The following VAPB variants were observed in gnomAD, a reference collection of about 807,000 sequenced individuals.
VAPB encodes the protein vesicle-associated membrane protein-associated protein B/C.
A neutral mutation model predicts 25.6 loss-of-function variants in VAPB; 7 were observed. That is an observed-to-expected ratio of 0.27 (90% CI 0.16 to 0.51). VAPB has a LOEUF of 0.51. Ranked by LOEUF, VAPB falls within the 20% of genes least tolerant of loss-of-function variation. The pLI is 0.97. For synonymous variants in VAPB, 112 were observed against 109.2 expected (o/e 1.03, Z -0.16); for missense variants, 266 against 301.3 (o/e 0.88, Z 0.87).
chr20:58,413,352 T>TAAC (rs1988427834), intron 1 of VAPB, among the ~76,000 whole-genome samples: 1 of 151,760 alleles, frequency 6.6e-6, no homozygotes, highest in Non-Finnish European at 1.5e-5. Flanking sequence ...TGATGACTCT[T>TAAC]AACGAGCATG....
chr20:58,409,235 G>T (rs1474008821), intron 1 of VAPB, among the ~76,000 whole-genome samples: 1 of 152,196 alleles, frequency 6.6e-6, no homozygotes, highest in Admixed American at 6.5e-5. Context: ...AGAAGGGGAA[G>T]ATTTACATAA....
rs1989261047 is a variant in VAPB, at chr20:58,445,424, C to T, written c.*1189C>T. 1 of 454,348 alleles carries T rather than the reference C, an allele frequency of 2.2e-6. No homozygotes were observed. Among genetic ancestry groups the T allele is most frequent in the Non-Finnish European group, 4.4e-6 (1 of 226,754 alleles). 28.1% of individuals were successfully genotyped at this position (454,348 alleles called of 1,614,324 possible). On this transcript the variant is annotated 3_prime_UTR_variant, in exon 6 of 6. Transcript: ENST00000475243. ...GCAAGGGAAGAGAGAAACTCTTCAG[C>T]GAATCCTTCTAGTACTAGTTGAGAG...
chr20:58,433,364 G>A (rs547176161), intron 2 of VAPB, among the ~76,000 whole-genome samples: 140 of 152,314 alleles, frequency 9.2e-4, no homozygotes, highest in Middle Eastern at 3.4e-3. Context: ...TCTATCTGCT[G>A]CTGGCTGTGG....
chr20:58,407,022 AT>A (rs982625473), intron 1 of VAPB, among the ~76,000 whole-genome samples: 4 of 152,336 alleles, frequency 2.6e-5, no homozygotes, highest in African/African-American at 9.6e-5. Context: ...AATTCAGTTT[AT>A]TAAATCGTCT....
Position 58,408,427 on chromosome 20 carries a change from A to T in VAPB, c.59-9784A>T, listed in dbSNP as rs548730272. ...AATATAATGTCTGCCATTTAAACAC[A>T]TTGGTTGCAAAGCTTTAAAGCTTTA... On this transcript the variant is annotated intron_variant, in intron 1 of 5. Coordinates refer to ENST00000475243, the MANE Select transcript of VAPB (RefSeq NM_004738.5). 2.0e-5 allele frequency among the ~76,000 whole-genome samples: 3 copies of T among 152,280 alleles called. No individual in the cohort carries two copies. The South Asian group carries it at 6.2e-4, about 32-fold the overall frequency.
rs373381411 is a variant in VAPB, at chr20:58,427,075, C to T, written c.212-7527C>T. 1.3e-4 allele frequency among the ~76,000 whole-genome samples: 18 copies of T among 135,446 alleles called. No homozygotes were observed. The South Asian group carries it at 2.0e-3, about 15-fold the overall frequency. 88.9% of individuals were successfully genotyped at this position (135,446 alleles called of 152,430 possible). On this transcript the variant is annotated intron_variant, in intron 2 of 5. Transcript: ENST00000475243. The stretch of plus-strand genomic sequence containing the variant: ...CATTATGATGCAGACGAAAGTGATC[C>T]GTGATCTGTTACCGTTATGATGCAG...
Position 58,447,353 on chromosome 20 carries a change from C to A in VAPB, c.*3118C>A, listed in dbSNP as rs56310716. On this transcript the variant is annotated 3_prime_UTR_variant, in exon 6 of 6. Transcript: ENST00000475243. Reference sequence around the variant, plus strand: ...CCTAGTTTGCATGTTTTCCTTCTCTCGTCTTCTGAACTGCTGGCACCAGCA... The same window carrying A: ...CCTAGTTTGCATGTTTTCCTTCTCTAGTCTTCTGAACTGCTGGCACCAGCA... 1.3e-5 allele frequency: 6 copies of A among 453,946 alleles called. No individual in the cohort carries two copies. Among genetic ancestry groups the A allele is most frequent in the Non-Finnish European group, 2.2e-5 (5 of 226,794 alleles). The allele number at this position is 453,946 out of a possible 1,614,324, so 28.1% of individuals were successfully genotyped here.
chr20:58,400,982 A>G (rs972164675), intron 1 of VAPB, among the ~76,000 whole-genome samples: 1 of 152,240 alleles, frequency 6.6e-6, no homozygotes, highest in Admixed American at 6.5e-5. Context: ...GAATGTGCAG[A>G]TGCACACAAT....
At chr20:58,404,555 A>T (rs1988180888) in intron 1 of VAPB, among the ~76,000 whole-genome samples, 1 of 152,170 alleles carries the variant, frequency 6.6e-6, no homozygotes, top group African/African-American at 2.4e-5. Flanking sequence ...CCCAGGAGTT[A>T]AGAGTGTGAA....
chr20:58,393,107 C>G (rs993516318), intron 1 of VAPB, among the ~76,000 whole-genome samples: 5 of 152,172 alleles, frequency 3.3e-5, no homozygotes, highest in African/African-American at 9.7e-5. Context: ...CATCATAGCT[C>G]ACTGTAGCCT....
chr20:58,430,565 ATTTCATT>A, intron 2 of VAPB, among the ~76,000 whole-genome samples: 1 of 147,188 alleles, frequency 6.8e-6, no homozygotes, highest in Non-Finnish European at 1.5e-5. Context: ...TGGCCTGCAA[ATTTCATT>A]TTTCTTTTTT....
In VAPB at chr20:58,450,936, G is replaced by A. The variant is rs1989433005; in HGVS notation, c.*6701G>A. 2.2e-6 allele frequency: 1 copy of A among 454,074 alleles called. No homozygotes were observed. Among genetic ancestry groups the A allele is most frequent in the Non-Finnish European group, 4.4e-6 (1 of 226,790 alleles). 28.1% of individuals were successfully genotyped at this position (454,074 alleles called of 1,614,324 possible). The stretch of plus-strand genomic sequence containing the variant: ...CAGCTGACATGATGTTTCCCAGAGA[G>A]AAGGAGATGTATTTCTGCAGGGTCC... On this transcript the variant is annotated 3_prime_UTR_variant, in exon 6 of 6. Transcript: ENST00000475243.
chr20:58,439,354 A>T (rs568124358), intron 4 of VAPB: 77 of 307,580 alleles, frequency 2.5e-4, no homozygotes, highest in African/African-American at 1.6e-3. Flanking sequence ...AGAGGGAACA[A>T]TTTGCCCTTT....
In VAPB at chr20:58,449,970, G is replaced by A. The variant is rs1463803357; in HGVS notation, c.*5735G>A. ...CCTTTGGAAAATGCCAACTAAGGGA[G>A]ACTAATCAGATATCTTAACACAATT... On this transcript the variant is annotated 3_prime_UTR_variant, in exon 6 of 6. Transcript: ENST00000475243. 11 of 453,834 alleles carry A rather than the reference G, an allele frequency of 2.4e-5. No individual in the cohort carries two copies. The highest frequency in any genetic ancestry group is 1.8e-5 in the Non-Finnish European group (4 of 226,786). The allele number at this position is 453,834 out of a possible 1,614,324, so 28.1% of individuals were successfully genotyped here.
At chr20:58,431,751 G>A (rs1425244016) in intron 2 of VAPB, among the ~76,000 whole-genome samples, 1 of 151,990 alleles carries the variant, frequency 6.6e-6, no homozygotes, top group Non-Finnish European at 1.5e-5. Flanking sequence ...TTTTGTGGTA[G>A]AGATGGGGTC....
chr20:58,414,294 C>T (rs1434792900), intron 1 of VAPB, among the ~76,000 whole-genome samples: 6 of 147,450 alleles, frequency 4.1e-5, no homozygotes, highest in Non-Finnish European at 7.6e-5. Context: ...ACCTCCCTCC[C>T]GGATGGGGCT....
At chr20:58,410,979 G>T (rs1351154159) in intron 1 of VAPB, among the ~76,000 whole-genome samples, 2 of 152,170 alleles carry the variant, frequency 1.3e-5, no homozygotes, top group Admixed American at 1.3e-4. Flanking sequence ...GAATAAAGCT[G>T]CTATAAACAT....
At chr20:58,417,854 A>G (rs1040346852) in intron 1 of VAPB, among the ~76,000 whole-genome samples, 1 of 152,208 alleles carries the variant, frequency 6.6e-6, no homozygotes, top group African/African-American at 2.4e-5. Flanking sequence ...GATGCAAGCC[A>G]TCTGGTTACA....
At chr20:58,399,107 C>T (rs1032217554) in intron 1 of VAPB, among the ~76,000 whole-genome samples, 1 of 151,974 alleles carries the variant, frequency 6.6e-6, no homozygotes, top group Non-Finnish European at 1.5e-5. Flanking sequence ...TCGAGACCAG[C>T]GTGACCAACA....
Sources: gnomAD v4.1 joint callset for allele counts (sites outside exome capture counted in the v4.1 genomes callset) on GRCh38, gnomAD v4.1.1 for gene constraint, MANE v1.5 for transcripts, NCBI Gene and HGNC (gene_info 2026-07-23, HGNC 2026-07-21) for gene names.